The following GHR variants were observed in gnomAD, a reference collection of about 807,000 sequenced individuals.
The protein encoded by GHR is GH receptor.
A neutral mutation model predicts 67.1 loss-of-function variants in GHR; 35 were observed. That is an observed-to-expected ratio of 0.52 (90% CI 0.40 to 0.69). The LOEUF is 0.69. Among genes scored for constraint, GHR ranks in the 30% least tolerant of loss-of-function variants. The pLI is 0.00. For synonymous variants in GHR, 272 were observed against 269.1 expected, an observed-to-expected ratio of 1.01 and a Z score of -0.10; for missense variants, 792 against 764.6, an observed-to-expected ratio of 1.04 and a Z score of -0.42.
At chr5:42,448,211 G>T (rs1400992114) in intron 1 of GHR, among the ~76,000 whole-genome samples, 2 of 152,094 alleles carry the variant, frequency 1.3e-5, no homozygotes, top group Non-Finnish European at 2.9e-5. Flanking sequence ...ATTCCCACCA[G>T]TAGCGTAAAA....
At chr5:42,717,385 A>G (rs905911528) in intron 8 of GHR, among the ~76,000 whole-genome samples, 1 of 152,226 alleles carries the variant, frequency 6.6e-6, no homozygotes, top group African/African-American at 2.4e-5. Context: ...ATTCATTTTT[A>G]TGACCAAAAA....
At chr5:42,556,371 T>A (rs535544836) in intron 1 of GHR, among the ~76,000 whole-genome samples, 2 of 152,204 alleles carry the variant, frequency 1.3e-5, no homozygotes, top group Non-Finnish European at 2.9e-5. Flanking sequence ...ATACCTTATT[T>A]ATCTCCTTTT....
At chr5:42,475,450 T>A (rs1745261698) in intron 1 of GHR, among the ~76,000 whole-genome samples, 1 of 152,042 alleles carries the variant, frequency 6.6e-6, no homozygotes, top group Admixed American at 6.5e-5. Flanking sequence ...TTTATAAAAA[T>A]TGCAAAACAT....
At position 42,718,604 on chromosome 5, in the gene GHR, T is replaced by A; in HGVS notation, c.1097T>A (p.Leu366Gln). The A allele has an allele frequency of 6.2e-7, 1 of 1,614,094 alleles. No homozygotes were observed. Reference protein sequence around the residue: ...KTEESDTDRLLSSDHEKSHSN... With the variant: ...KTEESDTDRLQSSDHEKSHSN... ...GAGGAATCAGACACAGACAGACTTC[T>A]AAGCAGTGACCATGAGAAATCACAT... The change falls in exon 10 of 10, where the codon CTA becomes CAA. Residue 366 changes from leucine to glutamine, a missense_variant. Physicochemically the swap from Leu to Gln is moderately radical, Grantham distance 113. Coordinates refer to ENST00000230882, the MANE Select transcript of GHR (RefSeq NM_000163.5).
chr5:42,586,208 C>A (rs1751467066), intron 2 of GHR, among the ~76,000 whole-genome samples: 1 of 152,126 alleles, frequency 6.6e-6, no homozygotes, highest in African/African-American at 2.4e-5. Context: ...CCTTCTCTAA[C>A]CCCACTATGC....
intron 1 of GHR, among the ~76,000 whole-genome samples, chr5:42,493,471 T>C (rs564019891): frequency 1.3e-5 from 2 of 152,322 alleles, no homozygotes; most frequent in African/African-American, 4.8e-5. Flanking sequence ...ATACATGAGC[T>C]ACACAGTTTC....
intron 2 of GHR, among the ~76,000 whole-genome samples, chr5:42,567,941 T>C (rs918010944): frequency 6.6e-6 from 1 of 152,216 alleles, no homozygotes; most frequent in Admixed American, 6.5e-5. Context: ...CAGGTCTGGA[T>C]TGTAGCCAAA....
chr5:42,464,664 A>G (rs1404917107), intron 1 of GHR, among the ~76,000 whole-genome samples: 2 of 152,188 alleles, frequency 1.3e-5, no homozygotes, highest in African/African-American at 4.8e-5. Flanking sequence ...TAGTTTTGTT[A>G]AGGGTATAAA....
intron 1 of GHR, chr5:42,514,432 TC>T: frequency 2.2e-6 from 1 of 455,668 alleles, no homozygotes; most frequent in Non-Finnish European, 2.9e-6. Flanking sequence ...CTATTCAAAC[TC>T]CCAGCTATCT....
intron 1 of GHR, among the ~76,000 whole-genome samples, chr5:42,541,707 A>G (rs1748526670): frequency 6.6e-6 from 1 of 152,180 alleles, no homozygotes; most frequent in African/African-American, 2.4e-5. Flanking sequence ...GTTAAGGGAG[A>G]TAAAGATGGA....
chr5:42,646,229 T>C (rs906349660), intron 3 of GHR: 6 of 348,156 alleles, frequency 1.7e-5, no homozygotes, highest in Admixed American at 1.3e-4. Flanking sequence ...TCTGCTTCTA[T>C]TAATGTCATA....
intron 1 of GHR, chr5:42,465,637 T>C: frequency 1.0e-6 from 1 of 959,028 alleles, no homozygotes; most frequent in East Asian, 2.4e-5. Flanking sequence ...CTTTGACAAT[T>C]CCCCAGTTGT....
At chr5:42,474,238 A>T (rs1745140752) in intron 1 of GHR, among the ~76,000 whole-genome samples, 1 of 147,774 alleles carries the variant, frequency 6.8e-6, no homozygotes, top group South Asian at 2.2e-4. Context: ...AAAAAGAAAG[A>T]AAGAGAGAGA....
chr5:42,670,878 AAAAT>A (rs1756251546), intron 3 of GHR, among the ~76,000 whole-genome samples: 5 of 88,366 alleles, frequency 5.7e-5, no homozygotes, highest in South Asian at 3.9e-4. Context: ...AAAAAAAAAA[AAAAT>A]ATATATATAT....
At chr5:42,689,144 C>A in intron 4 of GHR, 125 bp downstream of exon 4, 1 of 905,766 alleles carries the variant, frequency 1.1e-6, no homozygotes, top group Non-Finnish European at 1.8e-6. Flanking sequence ...AATATTCATT[C>A]ACTCATTTAT....
At position 42,629,045 on chromosome 5, in the gene GHR, A is replaced by G. The variant is rs904748525; in HGVS notation, c.78A>G (p.Ala26=). The G allele has an allele frequency of 7.2e-7, 1 of 1,389,226 alleles. No homozygotes were observed. Among genetic ancestry groups the G allele is most frequent in the Non-Finnish European group, 9.9e-7 (1 of 1,005,864 alleles). 86.1% of individuals were successfully genotyped at this position (1,389,226 alleles called of 1,614,324 possible). ...SDAFSGSEAT[A]AILSRAPWSL... ...CTTCTCTTTCTGTTTCAGCCACAGC[A>G]GCTATCCTTAGCAGAGCACCCTGGA... Residue 26 remains alanine (A), a synonymous_variant, in exon 3 of 10, where the codon GCA becomes GCG. Coordinates refer to ENST00000230882, the MANE Select transcript of GHR (RefSeq NM_000163.5).
chr5:42,630,142 G>A (rs1246999390), intron 3 of GHR, among the ~76,000 whole-genome samples: 1 of 132,078 alleles, frequency 7.6e-6, no homozygotes, highest in Admixed American at 7.3e-5. Context: ...TAGTGTGTGT[G>A]TTAGCCCTGC....
At chr5:42,461,229 C>T (rs1279721031) in intron 1 of GHR, among the ~76,000 whole-genome samples, 2 of 152,146 alleles carry the variant, frequency 1.3e-5, no homozygotes, top group African/African-American at 4.8e-5. Context: ...ACTTTGCCCT[C>T]CTCAACCCTA....
intron 1 of GHR, among the ~76,000 whole-genome samples, chr5:42,547,371 G>A (rs1462587955): frequency 6.6e-6 from 1 of 152,146 alleles, no homozygotes; most frequent in African/African-American, 2.4e-5. Flanking sequence ...ACAGTCTTGT[G>A]TGTACAGCAA....
Sources: allele counts gnomAD v4.1 joint callset (sites outside exome capture counted in the v4.1 genomes callset), GRCh38; gene constraint gnomAD v4.1.1; transcripts MANE v1.5; gene names NCBI Gene and HGNC (gene_info 2026-07-23, HGNC 2026-07-21).